Variants in GALNT10 observed in about 807,000 individuals in gnomAD.
GALNT10 encodes the protein GalNAc transferase 10.
GALNT10 carries 41 observed loss-of-function variants against 75.0 expected under a neutral mutation model. The ratio of observed to expected loss-of-function variants is 0.55; its 90% CI spans 0.43 to 0.71. GALNT10 has a LOEUF of 0.71. Among genes scored for constraint, GALNT10 ranks in the 30% least tolerant of loss-of-function variants. The pLI, the probability that GALNT10 is intolerant of heterozygous loss-of-function variation, is 0.00. For missense variants in GALNT10, 727 were observed against 818.5 expected, an observed-to-expected ratio of 0.89 and a Z score of 1.36; for synonymous variants, 302 against 313.0, an observed-to-expected ratio of 0.96 and a Z score of 0.37.
chr5:154,371,023 C>G lies in GALNT10; in HGVS notation c.569-5254C>G, dbSNP rs150332832. ...GAACCAAAAACTGGATGGCTTAAAA[C>G]AGAAGTTCATTCTCTCACAGTTCTG... On this transcript the variant is annotated intron_variant, in intron 4 of 11. Transcript: ENST00000297107. 2.9e-3 allele frequency among the ~76,000 whole-genome samples: 448 copies of G among 152,274 alleles called. 7 individuals carry two copies. The highest frequency in any genetic ancestry group is 0.01 in the African/African-American group (424 of 41,536).
intron 1 of GALNT10, among the ~76,000 whole-genome samples, chr5:154,209,773 G>T (rs1775166187): frequency 6.6e-6 from 1 of 152,114 alleles, no homozygotes. Context: ...AGGAGTTTTG[G>T]GGTCATGTAA....
At chr5:154,233,856 A>G (rs1229170619) in intron 1 of GALNT10, among the ~76,000 whole-genome samples, 1 of 152,204 alleles carries the variant, frequency 6.6e-6, no homozygotes, top group Non-Finnish European at 1.5e-5. Flanking sequence ...GTCGTGGGTT[A>G]GAATTGCTGT....
At chr5:154,267,142 G>A (rs563776539) in intron 1 of GALNT10, among the ~76,000 whole-genome samples, 9 of 152,290 alleles carry the variant, frequency 5.9e-5, no homozygotes, top group African/African-American at 1.9e-4. Context: ...AGAGAAACAC[G>A]TTTTTATATT....
At chr5:154,365,233 A>G (rs1240430668) in intron 4 of GALNT10, among the ~76,000 whole-genome samples, 2 of 152,212 alleles carry the variant, frequency 1.3e-5, no homozygotes, top group Non-Finnish European at 2.9e-5. Context: ...ATTCATTCTT[A>G]AAATCACCAA....
rs556129139 is a variant in GALNT10, at chr5:154,251,808, T to A, written c.160-43008T>A. ...GTTTCTTTTAGAGGGAAATGGTATTTTAAGACCACAAATTGGGCATTAGGA... is the reference window on the plus strand; with the variant it reads ...GTTTCTTTTAGAGGGAAATGGTATTATAAGACCACAAATTGGGCATTAGGA... On this transcript the variant is annotated intron_variant, in intron 1 of 11. Transcript: ENST00000297107. Among the ~76,000 whole-genome samples the A allele has an allele frequency of 1.1e-3, 174 of 152,286 alleles. 1 individual carries two copies. Among genetic ancestry groups the A allele is most frequent in the African/African-American group, 4.1e-3 (170 of 41,564 alleles).
intron 3 of GALNT10, among the ~76,000 whole-genome samples, chr5:154,303,628 TTTTG>T (rs1754391144): frequency 1.3e-5 from 2 of 151,838 alleles, no homozygotes; most frequent in Admixed American, 1.3e-4. Flanking sequence ...CTTAGAAGAG[TTTTG>T]CCTTAGTGGC....
intron 1 of GALNT10, among the ~76,000 whole-genome samples, chr5:154,252,888 T>G (rs544701464): frequency 8.0e-4 from 122 of 152,060 alleles, no homozygotes; most frequent in South Asian, 5.8e-3. Flanking sequence ...CACTTTCTCT[T>G]GAGTCTTTAC....
chr5:154,305,248 A>T (rs1354055962), intron 3 of GALNT10, among the ~76,000 whole-genome samples: 5 of 151,898 alleles, frequency 3.3e-5, no homozygotes, highest in Non-Finnish European at 5.9e-5. Flanking sequence ...GTAAGCTATG[A>T]CCGTGCTACT....
intron 1 of GALNT10, among the ~76,000 whole-genome samples, chr5:154,231,506 T>C (rs1214125741): frequency 1.3e-5 from 2 of 152,234 alleles, no homozygotes; most frequent in African/African-American, 2.4e-5. Flanking sequence ...TCTGTTCTTA[T>C]TAGCTGTGAA....
intron 4 of GALNT10, chr5:154,349,874 T>C (rs929319326): frequency 6.6e-6 from 1 of 152,222 alleles, no homozygotes; most frequent in Non-Finnish European, 1.5e-5. Context: ...CCCTGGTCCC[T>C]CCTGAATTCC....
intron 1 of GALNT10, among the ~76,000 whole-genome samples, chr5:154,277,545 A>C (rs780502776): frequency 5.3e-5 from 8 of 152,098 alleles, no homozygotes; most frequent in Non-Finnish European, 1.0e-4. Flanking sequence ...ACAATCTACT[A>C]TAGTAATCCT....
At chr5:154,335,364 AC>A (rs769707797) in intron 4 of GALNT10, among the ~76,000 whole-genome samples, 1 of 152,212 alleles carries the variant, frequency 6.6e-6, no homozygotes, top group Non-Finnish European at 1.5e-5. Context: ...ACCATGAAAT[AC>A]GTGCTACCTG....
At chr5:154,296,508 A>G (rs542588404) in intron 2 of GALNT10, among the ~76,000 whole-genome samples, 9 of 152,342 alleles carry the variant, frequency 5.9e-5, no homozygotes, top group South Asian at 2.1e-4. Context: ...CAGTGGAGAC[A>G]TTAATAATAA....
intron 1 of GALNT10, among the ~76,000 whole-genome samples, chr5:154,193,537 G>C (rs1483857287): frequency 6.6e-6 from 1 of 152,210 alleles, no homozygotes; most frequent in Admixed American, 6.5e-5. Context: ...TTTCAACAGG[G>C]CTGACCAGTT....
At chr5:154,282,973 G>A (rs1754059505) in intron 1 of GALNT10, among the ~76,000 whole-genome samples, 1 of 152,286 alleles carries the variant, frequency 6.6e-6, no homozygotes, top group Non-Finnish European at 1.5e-5. Flanking sequence ...CATATCAGGG[G>A]CAGTGATCTA....
At chr5:154,273,398 C>T (rs1194938423) in intron 1 of GALNT10, among the ~76,000 whole-genome samples, 1 of 152,124 alleles carries the variant, frequency 6.6e-6, no homozygotes, top group Non-Finnish European at 1.5e-5. Context: ...GGGAGTGAGG[C>T]CAGCAGATGC....
intron 4 of GALNT10, among the ~76,000 whole-genome samples, chr5:154,359,723 T>C (rs1396340493): frequency 6.6e-6 from 1 of 151,652 alleles, no homozygotes; most frequent in African/African-American, 2.4e-5. Context: ...GCTCTAAAAG[T>C]AGAGCTGGAG....
At chr5:154,382,753 C>A (rs963193774) in intron 6 of GALNT10, among the ~76,000 whole-genome samples, 3 of 152,180 alleles carry the variant, frequency 2.0e-5, no homozygotes, top group African/African-American at 7.2e-5. Context: ...TTGTTTGAAC[C>A]TTTGCAATGA....
At chr5:154,296,367 A>G (rs368430263) in intron 2 of GALNT10, among the ~76,000 whole-genome samples, 70 of 152,264 alleles carry the variant, frequency 4.6e-4, no homozygotes, top group Middle Eastern at 3.4e-3. Context: ...AAGTGCTGGG[A>G]TTACAGGTAT....
Sources: gnomAD v4.1 joint callset for allele counts (sites outside exome capture counted in the v4.1 genomes callset) on GRCh38, gnomAD v4.1.1 for gene constraint, MANE v1.5 for transcripts, NCBI Gene and HGNC (gene_info 2026-07-23, HGNC 2026-07-21) for gene names.